The following TJP1 variants were observed in gnomAD, a reference collection of about 807,000 sequenced individuals.
The protein encoded by TJP1 is tight junction protein 1.
TJP1 carries 43 observed loss-of-function variants against 194.2 expected under a neutral mutation model. The observed-to-expected ratio is 0.22, with a 90% CI of 0.17 to 0.29. The LOEUF (loss-of-function observed/expected upper bound fraction) is 0.29. TJP1 is among the 10% of genes least tolerant of loss of function. The probability of loss-of-function intolerance (pLI) is 1.00; values close to 1 mark genes in which losing one functional copy is unlikely to be tolerated. For missense variants in TJP1, 1,971 were observed against 2,185.7 expected (o/e 0.90, Z 1.96); for synonymous variants, 801 against 779.0 (o/e 1.03, Z -0.47).
In TJP1 at chr15:29,880,790, C is replaced by T. The variant is rs552641190; in HGVS notation, c.306+75442G>A. ...GCAGGATTTCCTTCTCTTTTTAAGC[C>T]GAACAATATTCCATTGTACGTATAT... is the stretch of plus-strand genomic sequence containing the variant. On this transcript the variant is annotated intron_variant, in intron 2 of 28. Transcript: ENST00000356107. 1.1e-4 allele frequency among the ~76,000 whole-genome samples: 16 copies of T among 152,272 alleles called. No individual in the cohort carries two copies. The East Asian group carries it at 1.5e-3, about 15-fold the overall frequency.
chr15:29,760,162 T>C, intron 8 of TJP1: 1 of 699,074 alleles, frequency 1.4e-6, no homozygotes, highest in South Asian at 1.5e-5. Flanking sequence ...TCATGTGGAC[T>C]GCAGTTAACC....
chr15:29,805,951 T>A (rs1238117790), intron 1 of TJP1, among the ~76,000 whole-genome samples: 1 of 152,126 alleles, frequency 6.6e-6, no homozygotes, highest in African/African-American at 2.4e-5. Context: ...ATGACTAAGT[T>A]GTACAATTTA....
intron 2 of TJP1, among the ~76,000 whole-genome samples, chr15:29,869,851 G>GAA (rs2052445593): frequency 7.7e-6 from 1 of 129,460 alleles, no homozygotes; most frequent in Non-Finnish European, 1.5e-5. Context: ...CTGTTGCCCA[G>GAA]GCTGGAGTGC....
intron 2 of TJP1, among the ~76,000 whole-genome samples, chr15:29,905,793 C>T (rs2053788487): frequency 6.6e-6 from 1 of 152,190 alleles, no homozygotes; most frequent in Admixed American, 6.5e-5. Flanking sequence ...ATGATTCCAA[C>T]TATCTGACAT....
intron 1 of TJP1, among the ~76,000 whole-genome samples, chr15:29,958,913 CT>C (rs5811593): frequency 0.46 from 69,819 of 151,558 alleles, 16,570 homozygotes; most frequent in East Asian, 0.79. Context: ...TGCAAACTTG[CT>C]TTTTTAGTTT....
At chr15:29,875,225 C>T (rs976504467) in intron 2 of TJP1, among the ~76,000 whole-genome samples, 1 of 152,198 alleles carries the variant, frequency 6.6e-6, no homozygotes, top group Non-Finnish European at 1.5e-5. Context: ...GGTGTGCAGC[C>T]CTATGATAAG....
intron 15 of TJP1, chr15:29,728,685 ACT>A (rs2151210657): frequency 6.6e-6 from 1 of 152,290 alleles, no homozygotes; most frequent in Admixed American, 6.5e-5. Context: ...AACGTTTGTG[ACT>A]CTGGTCACAA....
In TJP1 at chr15:29,709,050, G is replaced by A. The variant is rs771512721; in HGVS notation, c.4373-14C>T. The A allele has an allele frequency of 4.4e-6, 7 of 1,593,348 alleles. No homozygotes were observed. The highest frequency in any genetic ancestry group is 1.8e-5 in the Admixed American group (1 of 56,678). On this transcript the variant is annotated splice_polypyrimidine_tract_variant and intron_variant, in intron 24 of 27. Coordinates refer to ENST00000614355, the MANE Select transcript of TJP1 (RefSeq NM_001330239.4). The stretch of plus-strand genomic sequence containing the variant: ...ACACTGAATTACCTGAAAAACAAAC[G>A]TAAGCATTTAAATAACTTTCTGAAA...
At chr15:29,799,860 A>T (rs2048669544) in intron 2 of TJP1, among the ~76,000 whole-genome samples, 1 of 152,254 alleles carries the variant, frequency 6.6e-6, no homozygotes, top group Non-Finnish European at 1.5e-5. Flanking sequence ...TGGTAGAAAT[A>T]GTAAGTGTAA....
At chr15:29,964,680 C>G (rs1321578773) in intron 1 of TJP1, among the ~76,000 whole-genome samples, 2 of 152,154 alleles carry the variant, frequency 1.3e-5, no homozygotes, top group Non-Finnish European at 2.9e-5. Context: ...AACACAAAGC[C>G]CCACTGCTTC....
chr15:29,727,455 G>A (rs2043310002), intron 16 of TJP1, among the ~76,000 whole-genome samples: 1 of 152,182 alleles, frequency 6.6e-6, no homozygotes, highest in African/African-American at 2.4e-5. Context: ...GTATTCTAAT[G>A]TCTCAGGAGC....
At chr15:29,790,199 C>G (rs2151804179) in intron 2 of TJP1, among the ~76,000 whole-genome samples, 1 of 152,252 alleles carries the variant, frequency 6.6e-6, no homozygotes, top group Non-Finnish European at 1.5e-5. Flanking sequence ...CTATCTGGCT[C>G]TTTATATAAA....
At chr15:29,785,404 G>C (rs2047639243) in intron 2 of TJP1, among the ~76,000 whole-genome samples, 1 of 152,026 alleles carries the variant, frequency 6.6e-6, no homozygotes, top group Non-Finnish European at 1.5e-5. Flanking sequence ...TTCCAACAGG[G>C]ACCTTGTGGT....
At chr15:29,828,998 C>T (rs1468079613) in intron 2 of TJP1, among the ~76,000 whole-genome samples, 3 of 152,070 alleles carry the variant, frequency 2.0e-5, no homozygotes, top group East Asian at 1.9e-4. Flanking sequence ...AGTGATCCAC[C>T]GCCTTGGCCT....
intron 8 of TJP1, among the ~76,000 whole-genome samples, chr15:29,748,929 T>TGC (rs1408646930): frequency 2.9e-5 from 1 of 34,844 alleles, no homozygotes; most frequent in African/African-American, 6.1e-5. Flanking sequence ...AAAATGTGTG[T>TGC]GTGTGTGTGT....
chr15:29,881,164 T>C (rs1406381749), intron 2 of TJP1, among the ~76,000 whole-genome samples: 1 of 152,230 alleles, frequency 6.6e-6, no homozygotes, highest in Admixed American at 6.5e-5. Context: ...TATTTCATTG[T>C]AGTTTAGATT....
intron 2 of TJP1, among the ~76,000 whole-genome samples, chr15:29,896,814 G>A (rs1407221294): frequency 2.6e-5 from 4 of 152,104 alleles, no homozygotes; most frequent in South Asian, 2.1e-4. Context: ...AGAGATTTGT[G>A]GAACTCTGAA....
At chr15:29,928,655 A>G (rs901652613) in intron 2 of TJP1, among the ~76,000 whole-genome samples, 1 of 152,132 alleles carries the variant, frequency 6.6e-6, no homozygotes, top group African/African-American at 2.4e-5. Flanking sequence ...TAAAACACAC[A>G]CTTGTCGGCC....
At chr15:29,792,119 T>A (rs771829235) in intron 2 of TJP1, among the ~76,000 whole-genome samples, 1 of 152,248 alleles carries the variant, frequency 6.6e-6, no homozygotes, top group Non-Finnish European at 1.5e-5. Context: ...AGCTTTGAGC[T>A]TGATGTGATC....
Sources: gnomAD v4.1 joint callset for allele counts (sites outside exome capture counted in the v4.1 genomes callset) on GRCh38, gnomAD v4.1.1 for gene constraint, MANE v1.5 for transcripts, NCBI Gene and HGNC (gene_info 2026-07-23, HGNC 2026-07-21) for gene names.